Variants in PHLDB2 observed in about 807,000 individuals in gnomAD.
PHLDB2 encodes the protein pleckstrin homology like domain family B member 2.
In PHLDB2, 71 loss-of-function variants were observed where a neutral mutation model predicts 123.6. That is an observed-to-expected ratio of 0.57 (90% CI 0.47 to 0.70). The LOEUF (loss-of-function observed/expected upper bound fraction) is 0.70, where lower values mean the gene tolerates loss of function less well. Ranked by LOEUF, PHLDB2 falls within the 30% of genes least tolerant of loss-of-function variation. The pLI, the probability that PHLDB2 is intolerant of heterozygous loss-of-function variation, is 0.00. For synonymous variants in PHLDB2, 547 were observed against 541.6 expected (o/e 1.01, Z -0.14); for missense variants, 1,446 against 1,519.5 (o/e 0.95, Z 0.80).
intron 9 of PHLDB2, among the ~76,000 whole-genome samples, chr3:111,947,888 T>G (rs1333509035): frequency 6.6e-6 from 1 of 152,218 alleles, no homozygotes; most frequent in Middle Eastern, 3.2e-3. Flanking sequence ...GCCTAAAATT[T>G]GTAAAAGGAT....
At position 111,954,201 on chromosome 3, in the gene PHLDB2, C is replaced by T. The variant is rs527904131; in HGVS notation, c.2872+172C>T. Reference sequence around the variant, plus strand: ...GGATATATAACTTTTCCTATTTATACATATAGCTGGTATATTTTAAACATT... The same window carrying T: ...GGATATATAACTTTTCCTATTTATATATATAGCTGGTATATTTTAAACATT... On this transcript the variant is annotated intron_variant, in intron 12 of 17. Coordinates refer to ENST00000431670, the MANE Select transcript of PHLDB2 (RefSeq NM_001134438.2). 3.9e-5 allele frequency among the ~76,000 whole-genome samples: 6 copies of T among 152,282 alleles called. No individual in the cohort carries two copies. The South Asian group carries it at 1.2e-3, about 32-fold the overall frequency.
chr3:111,847,389 T>C (rs941400240), intron 2 of PHLDB2, among the ~76,000 whole-genome samples: 5 of 152,070 alleles, frequency 3.3e-5, no homozygotes, highest in African/African-American at 1.2e-4. Flanking sequence ...TGCAGGAGAT[T>C]AGGGGAAAAA....
At chr3:111,882,961 A>G (rs2066003757) in intron 1 of PHLDB2, among the ~76,000 whole-genome samples, 1 of 152,226 alleles carries the variant, frequency 6.6e-6, no homozygotes, top group South Asian at 2.1e-4. Context: ...AGACAACCAC[A>G]TTATGAAACC....
chr3:111,954,740 C>A (rs1458367692), intron 12 of PHLDB2, among the ~76,000 whole-genome samples: 3 of 152,078 alleles, frequency 2.0e-5, no homozygotes, highest in African/African-American at 7.2e-5. Flanking sequence ...ATGCTAGGTG[C>A]CAAGAATGCA....
intron 2 of PHLDB2, among the ~76,000 whole-genome samples, chr3:111,892,698 G>A (rs9840883): frequency 0.6 from 91,825 of 151,980 alleles, 28,489 homozygotes; most frequent in East Asian, 0.94. Flanking sequence ...TTACTTTGAA[G>A]ATTTTCTAGC....
intron 1 of PHLDB2, among the ~76,000 whole-genome samples, chr3:111,788,809 G>A (rs563424554): frequency 6.6e-6 from 1 of 152,260 alleles, no homozygotes; most frequent in Non-Finnish European, 1.5e-5. Flanking sequence ...TGTGGCCCAA[G>A]ACAATTCTTC....
intron 2 of PHLDB2, among the ~76,000 whole-genome samples, chr3:111,903,172 C>A (rs1039900127): frequency 2.6e-5 from 4 of 152,124 alleles, no homozygotes; most frequent in Non-Finnish European, 4.4e-5. Context: ...TTGAATGATG[C>A]ATGCCTTCAG....
intron 1 of PHLDB2, among the ~76,000 whole-genome samples, chr3:111,761,930 A>G (rs903935612): frequency 6.6e-6 from 1 of 152,154 alleles, no homozygotes; most frequent in African/African-American, 2.4e-5. Flanking sequence ...TTACAGAGTA[A>G]TTACCCCCAG....
intron 5 of PHLDB2, among the ~76,000 whole-genome samples, chr3:111,927,475 C>T (rs995150209): frequency 1.3e-5 from 2 of 152,114 alleles, no homozygotes; most frequent in African/African-American, 2.4e-5. Flanking sequence ...AAATGTGGCC[C>T]GCGTGCCTAG....
At chr3:111,771,631 C>T (rs894529249) in intron 1 of PHLDB2, among the ~76,000 whole-genome samples, 1 of 152,198 alleles carries the variant, frequency 6.6e-6, no homozygotes, top group Non-Finnish European at 1.5e-5. Context: ...TGAGCCACTG[C>T]ACCTGGCCAC....
At position 111,949,092 on chromosome 3, in the gene PHLDB2, TTTCA is replaced by T. The variant is rs780011235; in HGVS notation, c.2631+26_2631+29del. 2 of 1,611,906 alleles carry T rather than the reference TTTCA, an allele frequency of 1.2e-6. No homozygotes were observed. The highest frequency in any genetic ancestry group is 2.2e-5 in the South Asian group (2 of 90,936). On this transcript the variant is annotated intron_variant, in intron 10 of 17. Transcript: ENST00000431670. ...AGTAAAGAGGTGTGTAGGCATGACG[TTTCA>T]TTCATTCACTGCTTTTCTTCATGTC...
chr3:111,971,150 G>A (rs78257658), intron 16 of PHLDB2, among the ~76,000 whole-genome samples: 3,645 of 152,326 alleles, frequency 0.024, 90 homozygotes, highest in South Asian at 0.083. Context: ...GCTTTCTTCA[G>A]TTAATACAAT....
chr3:111,737,259 C>T (rs1050526515), intron 1 of PHLDB2, among the ~76,000 whole-genome samples: 1 of 152,156 alleles, frequency 6.6e-6, no homozygotes, highest in Non-Finnish European at 1.5e-5. Context: ...GGGAATTGCC[C>T]CTGGCTGGCT....
At chr3:111,877,551 G>A (rs570463623) in intron 1 of PHLDB2, among the ~76,000 whole-genome samples, 111 of 152,234 alleles carry the variant, frequency 7.3e-4, no homozygotes, top group African/African-American at 2.6e-3. Flanking sequence ...CTTTTGCTGT[G>A]CAGAAGCTCT....
rs1316719318 is a variant in PHLDB2 at position 111,845,817 on chromosome 3, G to A, written c.-48-4G>A. The A allele has an allele frequency of 1.9e-6, 3 of 1,613,326 alleles. No individual in the cohort carries two copies. In the South Asian group the frequency reaches 3.3e-5, roughly 18 times the overall value. On this transcript the variant is annotated splice_region_variant and splice_polypyrimidine_tract_variant and intron_variant, in intron 1 of 17. Coordinates refer to the PHLDB2 transcript ENST00000393923. ...TGGTACCTCTCTTTTCTTGCTGTGT[G>A]CAGGCTGGCACTGATCCCAGTTTAT...
intron 1 of PHLDB2, among the ~76,000 whole-genome samples, chr3:111,742,463 C>T (rs1055251475): frequency 6.6e-5 from 10 of 152,072 alleles, no homozygotes; most frequent in Non-Finnish European, 1.3e-4. Flanking sequence ...CTCCCTCCTC[C>T]CCCCACCCCA....
chr3:111,885,495 T>C (rs747350608), intron 2 of PHLDB2, 83 bp downstream of exon 2: 61 of 1,530,660 alleles, frequency 4.0e-5, no homozygotes, highest in Non-Finnish European at 5.3e-5. Flanking sequence ...GACTCCAGGA[T>C]ATGTGGGAAT....
chr3:111,933,539 T>C (rs1365103405), intron 6 of PHLDB2, among the ~76,000 whole-genome samples: 3 of 152,240 alleles, frequency 2.0e-5, no homozygotes, highest in Non-Finnish European at 4.4e-5. Flanking sequence ...AGCATAATAG[T>C]TTTAGTATTT....
chr3:111,747,721 A>G (rs980105998), intron 1 of PHLDB2, among the ~76,000 whole-genome samples: 1 of 152,214 alleles, frequency 6.6e-6, no homozygotes, highest in Non-Finnish European at 1.5e-5. Flanking sequence ...TCCACTTCTC[A>G]TTATAAAGCA....
Sources: allele counts gnomAD v4.1 joint callset (sites outside exome capture counted in the v4.1 genomes callset), GRCh38; gene constraint gnomAD v4.1.1; transcripts MANE v1.5; gene names NCBI Gene and HGNC (gene_info 2026-07-23, HGNC 2026-07-21).